GRIK4: variants seen among roughly 807,000 people sequenced by gnomAD.
GRIK4 encodes glutamate receptor ionotropic, kainate 4.
GRIK4 carries 40 observed loss-of-function variants against 104.9 expected under a neutral mutation model. The observed-to-expected ratio is 0.38, with a 90% CI of 0.30 to 0.50. The LOEUF is 0.50. Among genes scored for constraint, GRIK4 ranks in the 20% least tolerant of loss-of-function variants. The pLI, the probability that GRIK4 is intolerant of heterozygous loss-of-function variation, is 0.93. For synonymous variants in GRIK4, 485 were observed against 524.9 expected, an observed-to-expected ratio of 0.92 and a Z score of 1.04; for missense variants, 1,047 against 1,308.1, an observed-to-expected ratio of 0.80 and a Z score of 3.08.
intron 3 of GRIK4, among the ~76,000 whole-genome samples, chr11:120,677,056 G>A (rs1021694481): frequency 1.3e-5 from 2 of 152,310 alleles, no homozygotes; most frequent in East Asian, 3.9e-4. Flanking sequence ...CCAGAGCACC[G>A]AAGCTGATGT....
At chr11:120,923,800 A>G (rs10892645) in intron 13 of GRIK4, among the ~76,000 whole-genome samples, 51,966 of 152,032 alleles carry the variant, frequency 0.34, 9,740 homozygotes, top group Middle Eastern at 0.45. Context: ...AAGTTCAGAG[A>G]GGCTAAGTAA....
In GRIK4 at chr11:120,704,148, A is replaced by G. The variant is rs751465071; in HGVS notation, c.82+43748A>G. Among the ~76,000 whole-genome samples the G allele has an allele frequency of 3.9e-5, 6 of 152,352 alleles. No homozygotes were observed. In the South Asian group the frequency reaches 1.0e-3, roughly 26 times the overall value. Reference sequence around the variant, plus strand: ...GTGAGGGTCAAATGAGATAATAACCATAGAAGTTTTTGCACAGTGCCTGGC... The same window carrying G: ...GTGAGGGTCAAATGAGATAATAACCGTAGAAGTTTTTGCACAGTGCCTGGC... On this transcript the variant is annotated intron_variant, in intron 3 of 20. Coordinates refer to ENST00000527524, the MANE Select transcript of GRIK4 (RefSeq NM_014619.5).
intron 3 of GRIK4, among the ~76,000 whole-genome samples, chr11:120,781,279 T>G (rs1189271363): frequency 6.6e-6 from 1 of 152,186 alleles, no homozygotes; most frequent in Admixed American, 6.5e-5. Flanking sequence ...TTTATTGATC[T>G]AATTATATTG....
chr11:120,684,321 T>G (rs1383162288), intron 3 of GRIK4, among the ~76,000 whole-genome samples: 1 of 152,170 alleles, frequency 6.6e-6, no homozygotes, highest in Non-Finnish European at 1.5e-5. Flanking sequence ...AGAGCCAGTT[T>G]CTAAGAAATA....
chr11:120,786,773 T>C lies in GRIK4; in HGVS notation c.83-15920T>C, dbSNP rs570547917. Among the ~76,000 whole-genome samples, 8 of 152,186 alleles carry C rather than the reference T, an allele frequency of 5.3e-5. No homozygotes were observed. The South Asian group carries it at 1.7e-3, about 32-fold the overall frequency. On this transcript the variant is annotated intron_variant, in intron 3 of 20. Transcript: ENST00000527524. ...AGACCTTTCCTCTTTTCCGAGAAAA[T>C]AGATGCCATCCAGCTCAGCCTCTCT... is the stretch of plus-strand genomic sequence containing the variant.
In GRIK4 at chr11:120,902,011, C is replaced by T. The variant is rs529982127; in HGVS notation, c.1273-3279C>T. ...TGTGCCTACAGTGGCTGATCCAATT[C>T]GATAGCTCTTACCAGGAATGACGAT... is the stretch of plus-strand genomic sequence containing the variant. On this transcript the variant is annotated intron_variant, in intron 12 of 20. Transcript: ENST00000527524. This position sits in a 1 kb window ranked among gnomAD's most constrained non-coding sequence, Gnocchi z 4.5. Among the ~76,000 whole-genome samples, 9 of 152,260 alleles carry T rather than the reference C, an allele frequency of 5.9e-5. No homozygotes were observed. Among genetic ancestry groups the T allele is most frequent in the East Asian group, 5.8e-4 (3 of 5,188 alleles).
intron 16 of GRIK4, among the ~76,000 whole-genome samples, chr11:120,960,189 C>T (rs1944258056): frequency 6.6e-6 from 1 of 152,152 alleles, no homozygotes; most frequent in Non-Finnish European, 1.5e-5. Flanking sequence ...ATTTGCTGGG[C>T]ATGGTGGTGC....
At chr11:120,884,232 G>T (rs1955053760) in intron 11 of GRIK4, among the ~76,000 whole-genome samples, 1 of 152,226 alleles carries the variant, frequency 6.6e-6, no homozygotes, top group South Asian at 2.1e-4. Flanking sequence ...TAAAATTATT[G>T]TGAGAGCAAA....
intron 8 of GRIK4, among the ~76,000 whole-genome samples, chr11:120,854,665 C>G (rs1954058654): frequency 6.6e-6 from 1 of 152,150 alleles, no homozygotes; most frequent in Non-Finnish European, 1.5e-5. Flanking sequence ...ACATGCATTC[C>G]TTGAGCTATT....
rs190614255 is a variant in GRIK4 at position 120,567,846 on chromosome 11, A to G, written c.-159+55959A>G. ...TCTATTCCCCTTCTCCAAGGCAGGTACAGACCAAAAACATCCCATAAAGAT... is the reference window on the plus strand; with the variant it reads ...TCTATTCCCCTTCTCCAAGGCAGGTGCAGACCAAAAACATCCCATAAAGAT... On this transcript the variant is annotated intron_variant, in intron 1 of 20. Coordinates refer to ENST00000527524, the MANE Select transcript of GRIK4 (RefSeq NM_014619.5). Among the ~76,000 whole-genome samples, 345 of 152,320 alleles carry G rather than the reference A, an allele frequency of 2.3e-3. 4 individuals carry two copies. Among genetic ancestry groups the G allele is most frequent in the Admixed American group, 0.018 (276 of 15,300 alleles).
intron 3 of GRIK4, among the ~76,000 whole-genome samples, chr11:120,680,461 C>T (rs1950172780): frequency 1.3e-5 from 2 of 152,228 alleles, no homozygotes; most frequent in Admixed American, 1.3e-4. Flanking sequence ...GTGACTGCAC[C>T]TCAGCCTCAC....
intron 8 of GRIK4, among the ~76,000 whole-genome samples, chr11:120,848,889 GA>G (rs1290186178): frequency 6.6e-6 from 1 of 152,156 alleles, no homozygotes; most frequent in African/African-American, 2.4e-5. Flanking sequence ...AACCGAGGGG[GA>G]CAGGGGGTGT....
At chr11:120,867,425 G>C (rs543657747) in intron 9 of GRIK4, among the ~76,000 whole-genome samples, 1 of 152,088 alleles carries the variant, frequency 6.6e-6, no homozygotes. Context: ...TCATGGGGAC[G>C]TTCTCTCTTT....
At chr11:120,898,799 G>A (rs574031611) in intron 12 of GRIK4, among the ~76,000 whole-genome samples, 160 bp downstream of exon 12, 2 of 152,322 alleles carry the variant, frequency 1.3e-5, no homozygotes, top group South Asian at 4.1e-4. Flanking sequence ...TGTTTCATAT[G>A]GAAATGATAT....
chr11:120,670,552 TC>T (rs1949997927), intron 3 of GRIK4, among the ~76,000 whole-genome samples: 1 of 152,262 alleles, frequency 6.6e-6, no homozygotes, highest in Non-Finnish European at 1.5e-5. Flanking sequence ...CCCAGGGCCT[TC>T]ACACCTGCTG....
At chr11:120,628,013 G>T (rs1279447197) in intron 1 of GRIK4, among the ~76,000 whole-genome samples, 3 of 152,218 alleles carry the variant, frequency 2.0e-5, no homozygotes, top group Non-Finnish European at 4.4e-5. Context: ...ATGGTGAGAG[G>T]CAATGTATAT....
rs369347310 is a variant in GRIK4, at chr11:120,857,228, G to A, written c.745-4731G>A. On this transcript the variant is annotated intron_variant, in intron 8 of 20. Coordinates refer to ENST00000527524, the MANE Select transcript of GRIK4 (RefSeq NM_014619.5). ...CCTGTCCTTGCTCCCTGGCCCAGGCGATGAACAGGCTGTAGACCCATAAAG... is the reference window on the plus strand; with the variant it reads ...CCTGTCCTTGCTCCCTGGCCCAGGCAATGAACAGGCTGTAGACCCATAAAG... Among the ~76,000 whole-genome samples, 17 of 152,306 alleles carry A rather than the reference G, an allele frequency of 1.1e-4. No homozygotes were observed. The East Asian group carries it at 2.5e-3, about 23-fold the overall frequency.
At chr11:120,906,973 C>T (rs1012274709) in intron 13 of GRIK4, among the ~76,000 whole-genome samples, 3 of 152,152 alleles carry the variant, frequency 2.0e-5, no homozygotes, top group Admixed American at 6.5e-5. Context: ...GAGCCCTGGA[C>T]GACTGCCATG....
At chr11:120,824,067 T>G (rs977247140) in intron 6 of GRIK4, among the ~76,000 whole-genome samples, 2 of 152,192 alleles carry the variant, frequency 1.3e-5, no homozygotes, top group South Asian at 4.1e-4. Flanking sequence ...TGAGTAGAAT[T>G]AGGAGCAGAA....
Sources: gnomAD v4.1 joint callset for allele counts (sites outside exome capture counted in the v4.1 genomes callset) on GRCh38, gnomAD v4.1.1 for gene constraint, Gnocchi (gnomAD v3.1) non-coding constraint, MANE v1.5 for transcripts, NCBI Gene and HGNC (gene_info 2026-07-23, HGNC 2026-07-21) for gene names.